CEACAM7: variants seen among roughly 807,000 people sequenced by gnomAD.
The protein encoded by CEACAM7 is cell adhesion molecule CEACAM7.
Under a neutral mutation model 25.7 loss-of-function variants are expected in CEACAM7, and 24 were observed. That is an observed-to-expected ratio of 0.93 (90% CI 0.68 to 1.31). The LOEUF (loss-of-function observed/expected upper bound fraction) is 1.31. CEACAM7 is among the 40% of genes most tolerant of loss of function. CEACAM7 has a pLI of 0.00. For missense variants in CEACAM7, 324 were observed against 330.1 expected, an observed-to-expected ratio of 0.98 and a Z score of 0.14; for synonymous variants, 144 against 129.4, an observed-to-expected ratio of 1.11 and a Z score of -0.77.
chr19:41,685,368 T>C (rs1236918105), intron 2 of CEACAM7, among the ~76,000 whole-genome samples: 4 of 151,494 alleles, frequency 2.6e-5, no homozygotes, highest in African/African-American at 9.7e-5. Flanking sequence ...CTTGAACTCC[T>C]GGGCTCAAGA....
At position 41,677,427 on chromosome 19, in the gene CEACAM7, C is replaced by T; in HGVS notation, c.783G>A (p.Gly261=). Residue 261 remains glycine, a synonymous_variant, in exon 4 of 5, where the codon GGG becomes GGA. Transcript: ENST00000401731. ...AVSIMIGVLA[G]MALI ...ACCAAGGCTGCTATATCAGAGCCAT[C>T]CCAGCCAGTACTCCAATCATGATGC... 6.2e-7 allele frequency: 1 copy of T among 1,613,080 alleles called. No homozygotes were observed. Among genetic ancestry groups the T allele is most frequent in the South Asian group, 1.1e-5 (1 of 91,046 alleles).
intron 4 of CEACAM7, among the ~76,000 whole-genome samples, chr19:41,676,794 A>G (rs1216131551): frequency 6.6e-6 from 1 of 152,168 alleles, no homozygotes; most frequent in African/African-American, 2.4e-5. Context: ...ATAACATTGG[A>G]ACTAAGAATT....
chr19:41,683,449 G>C (rs1399862761), intron 3 of CEACAM7, among the ~76,000 whole-genome samples: 1 of 152,222 alleles, frequency 6.6e-6, no homozygotes, highest in Non-Finnish European at 1.5e-5. Context: ...GAAGCTCCTG[G>C]TCTGTGGAAG....
chr19:41,677,904 C>T (rs1600428406), intron 3 of CEACAM7, among the ~76,000 whole-genome samples: 1 of 152,116 alleles, frequency 6.6e-6, no homozygotes, highest in African/African-American at 2.4e-5. Flanking sequence ...GACCTCACTT[C>T]CCATGGGCTC....
At chr19:41,685,565 C>T (rs1194321291) in intron 2 of CEACAM7, among the ~76,000 whole-genome samples, 2 of 152,160 alleles carry the variant, frequency 1.3e-5, no homozygotes, top group African/African-American at 4.8e-5. Context: ...CTCCCTCCTT[C>T]ATGAGAGAAC....
intron 2 of CEACAM7, among the ~76,000 whole-genome samples, chr19:41,685,945 G>A (rs1307915636): frequency 2.0e-5 from 3 of 152,178 alleles, no homozygotes; most frequent in African/African-American, 7.2e-5. Flanking sequence ...CTCAGTGGCT[G>A]TATTTCCTTC....
At chr19:41,686,135 AT>A (rs2072223126) in intron 2 of CEACAM7, among the ~76,000 whole-genome samples, 1 of 152,082 alleles carries the variant, frequency 6.6e-6, no homozygotes, top group Non-Finnish European at 1.5e-5. Context: ...TTTGGACCTG[AT>A]TCCTGGTGTA....
chr19:41,686,915 T>C lies in CEACAM7; in HGVS notation c.371A>G (p.His124Arg), dbSNP rs2072231393. ...ATTCACAAGATTTTCTTTTATAACG[T>C]GTAGGGTATAGATTCCTGCGTCATT... ...THNDAGIYTLHVIKENLVNEE... is the reference protein window; with the variant it reads ...THNDAGIYTLRVIKENLVNEE... Residue 124 changes from histidine (H) to arginine (R), a missense_variant, in exon 2 of 5, where the codon CAC becomes CGC. Physicochemically the swap from His to Arg is conservative, Grantham distance 29. Coordinates refer to ENST00000401731, the MANE Select transcript of CEACAM7 (RefSeq NM_001291485.2). 1.9e-6 allele frequency: 3 copies of C among 1,565,914 alleles called. No individual in the cohort carries two copies. In the East Asian group the frequency reaches 6.7e-5, roughly 35 times the overall value.
intron 1 of CEACAM7, 76 bp downstream of exon 1, chr19:41,688,026 C>A (rs991113997): frequency 7.4e-7 from 1 of 1,347,822 alleles, no homozygotes; most frequent in Non-Finnish European, 1.0e-6. Flanking sequence ...CCTCTCAGAG[C>A]CCCGTCCTCC....
In CEACAM7 at chr19:41,683,889, A is replaced by G; in HGVS notation, c.602T>C (p.Leu201Pro). 1 of 1,614,154 alleles carries G rather than the reference A, an allele frequency of 6.2e-7. No individual in the cohort carries two copies. Among genetic ancestry groups the G allele is most frequent in the Admixed American group, 1.7e-5 (1 of 60,022 alleles). ...ATTCTTTGTGGCGCTGAGTAGAACGAGGGTCCTGTTGTCAGTGGAGAGCAG... is the reference window on the plus strand; with the variant it reads ...ATTCTTTGTGGCGCTGAGTAGAACGGGGGTCCTGTTGTCAGTGGAGAGCAG... ...RLLLSTDNRT[L>P]VLLSATKNDI... The change falls in exon 3 of 5, where the codon CTC becomes CCC. Residue 201 changes from leucine (L) to proline (P), a missense_variant. Leu to Pro is a moderately conservative substitution (Grantham distance 98). Transcript: ENST00000401731.
chr19:41,680,560 A>G (rs1347631477), intron 3 of CEACAM7, among the ~76,000 whole-genome samples: 1 of 152,210 alleles, frequency 6.6e-6, no homozygotes, highest in Non-Finnish European at 1.5e-5. Context: ...AAAGGAATAC[A>G]TAGAAACCAA....
chr19:41,687,153 C>T lies in CEACAM7; in HGVS notation c.133G>A (p.Val45Ile). Residue 45 changes from valine (V) to isoleucine (I), a missense_variant, in exon 2 of 5, where the codon GTC (valine) becomes ATC (isoleucine). By Grantham distance (29) the Val-to-Ile change is conservative. Transcript: ENST00000401731. The part of the protein sequence containing the change: ...QTNIDVVPFN[V>I]AEGKEVLLVV... ...AGAAGGACCTCCTTCCCTTCTGCGA[C>T]ATTGAACGGCACGACATCAATATTG... The T allele has an allele frequency of 6.2e-7, 1 of 1,614,008 alleles. No homozygotes were observed. Among genetic ancestry groups the T allele is most frequent in the Non-Finnish European group, 8.5e-7 (1 of 1,179,942 alleles).
chr19:41,683,993 T>A lies in CEACAM7; in HGVS notation c.498A>T (p.Leu166Phe). Residue 166 changes from leucine (L) to phenylalanine (F), a missense_variant, in exon 3 of 5, where the codon TTA becomes TTT. Coordinates refer to ENST00000401731, the MANE Select transcript of CEACAM7 (RefSeq NM_001291485.2). ...NPVENKDIVV[L>F]TCQPETQNTT... ...TGTTCTGAGTCTCAGGTTGACAGGT[T>A]AAAACCACAATATCTTTGTTCTCCA... The A allele has an allele frequency of 6.2e-7, 1 of 1,614,174 alleles. No homozygotes were observed. The highest frequency in any genetic ancestry group is 8.5e-7 in the Non-Finnish European group (1 of 1,180,034).
At chr19:41,681,040 CAG>C (rs1425941095) in intron 3 of CEACAM7, among the ~76,000 whole-genome samples, 4 of 152,102 alleles carry the variant, frequency 2.6e-5, no homozygotes, top group African/African-American at 9.7e-5. Flanking sequence ...GATTAATTCT[CAG>C]AATATATAAA....
At chr19:41,685,099 A>G (rs1548720) in intron 2 of CEACAM7, among the ~76,000 whole-genome samples, 80,342 of 151,982 alleles carry the variant, frequency 0.53, 21,259 homozygotes, top group Middle Eastern at 0.63. Context: ...AGGAGGTCCC[A>G]GGAATGACTG....
chr19:41,681,117 CAG>C (rs1343141772), intron 3 of CEACAM7, among the ~76,000 whole-genome samples: 1 of 152,100 alleles, frequency 6.6e-6, no homozygotes, highest in African/African-American at 2.4e-5. Flanking sequence ...AGGACTAAAA[CAG>C]AGATTTCTCC....
intron 3 of CEACAM7, among the ~76,000 whole-genome samples, chr19:41,679,770 CT>C (rs1481755181): frequency 1.4e-5 from 2 of 144,204 alleles, no homozygotes; most frequent in Admixed American, 1.4e-4. Flanking sequence ...TTTCTTTTTT[CT>C]TTTTTCTCTG....
intron 1 of CEACAM7, 109 bp from the exon 2 acceptor site, chr19:41,687,330 AGT>A (rs55639350): frequency 0.16 from 123,904 of 764,926 alleles, 5,451 homozygotes; most frequent in Non-Finnish European, 0.18. Flanking sequence ...TCTTGAAGTA[AGT>A]GTGTGTGTGT....
intron 1 of CEACAM7, 109 bp from the exon 2 acceptor site, chr19:41,687,330 AGTGTGT>A (rs55639350): frequency 4.1e-3 from 3,155 of 765,562 alleles, no homozygotes; most frequent in South Asian, 9.8e-3. Context: ...TCTTGAAGTA[AGTGTGT>A]GTGTGTGTGT....
Sources: gnomAD v4.1 joint callset for allele counts (sites outside exome capture counted in the v4.1 genomes callset) on GRCh38, gnomAD v4.1.1 for gene constraint, MANE v1.5 for transcripts, NCBI Gene and HGNC (gene_info 2026-07-23, HGNC 2026-07-21) for gene names.